The following HHAT variants were observed in gnomAD, a reference collection of about 807,000 sequenced individuals.
HHAT encodes hedgehog acyltransferase, also known as protein-cysteine N-palmitoyltransferase HHAT.
In HHAT, 47 loss-of-function variants were observed where a neutral mutation model predicts 70.8. That is an observed-to-expected ratio of 0.66 (90% CI 0.53 to 0.85). The LOEUF is 0.85. Among genes scored for constraint, HHAT ranks in the 40% least tolerant of loss-of-function variants. The probability of loss-of-function intolerance (pLI) is 0.00; values close to 1 mark genes in which losing one functional copy is unlikely to be tolerated. For synonymous variants in HHAT, 228 were observed against 247.6 expected, an observed-to-expected ratio of 0.92 and a Z score of 0.74; for missense variants, 609 against 604.8, an observed-to-expected ratio of 1.01 and a Z score of -0.07.
intron 11 of HHAT, among the ~76,000 whole-genome samples, chr1:210,659,624 AT>A (rs1475515350): frequency 1.3e-5 from 2 of 152,244 alleles, no homozygotes; most frequent in African/African-American, 4.8e-5. Context: ...AAAAAAGAGA[AT>A]TTTAGACCAA....
chr1:210,378,864 G>A (rs1182544500), intron 3 of HHAT, among the ~76,000 whole-genome samples: 1 of 152,162 alleles, frequency 6.6e-6, no homozygotes, highest in Non-Finnish European at 1.5e-5. Context: ...TCTTCAAAGT[G>A]AACTGTTTTC....
chr1:210,352,057 T>C (rs1463156882), intron 2 of HHAT, among the ~76,000 whole-genome samples: 1 of 152,176 alleles, frequency 6.6e-6, no homozygotes, highest in South Asian at 2.1e-4. Context: ...ATATATTTAA[T>C]AATAGAAATA....
At chr1:210,540,000 AAAG>A (rs2095412246) in intron 9 of HHAT, among the ~76,000 whole-genome samples, 1 of 152,218 alleles carries the variant, frequency 6.6e-6, no homozygotes, top group Non-Finnish European at 1.5e-5. Context: ...ATCAAATAAT[AAAG>A]AAGTGCGAAG....
chr1:210,425,873 G>A (rs948366567), intron 7 of HHAT, among the ~76,000 whole-genome samples: 1 of 151,982 alleles, frequency 6.6e-6, no homozygotes, highest in Non-Finnish European at 1.5e-5. Context: ...TTCTAGTTCT[G>A]TGAAGAATGT....
chr1:210,574,114 A>G (rs1558191156), intron 9 of HHAT, among the ~76,000 whole-genome samples: 1 of 152,232 alleles, frequency 6.6e-6, no homozygotes, highest in Non-Finnish European at 1.5e-5. Context: ...CGGAAGTACT[A>G]AAGAGCAGCA....
At chr1:210,427,486 G>T (rs2093100203) in intron 7 of HHAT, among the ~76,000 whole-genome samples, 1 of 152,136 alleles carries the variant, frequency 6.6e-6, no homozygotes, top group Non-Finnish European at 1.5e-5. Flanking sequence ...GTGTCCCAGA[G>T]ACTGTGGTAT....
At chr1:210,530,620 T>C (rs921311963) in intron 9 of HHAT, among the ~76,000 whole-genome samples, 1 of 151,998 alleles carries the variant, frequency 6.6e-6, no homozygotes, top group Non-Finnish European at 1.5e-5. Flanking sequence ...CCGGGAGAGA[T>C]GGAGAAAAGC....
At chr1:210,521,277 G>C (rs1000587903) in intron 9 of HHAT, among the ~76,000 whole-genome samples, 3 of 152,306 alleles carry the variant, frequency 2.0e-5, no homozygotes, top group Admixed American at 6.5e-5. Flanking sequence ...TCTCCTGGAG[G>C]TTGGTGCAGG....
intron 3 of HHAT, among the ~76,000 whole-genome samples, chr1:210,386,436 C>T (rs1040031558): frequency 1.5e-4 from 22 of 150,884 alleles, no homozygotes; most frequent in Admixed American, 1.3e-3. Flanking sequence ...GACGGGGTTT[C>T]ACCGTTTTAG....
intron 7 of HHAT, among the ~76,000 whole-genome samples, chr1:210,446,314 A>G (rs1338425954): frequency 1.3e-5 from 2 of 152,262 alleles, no homozygotes; most frequent in East Asian, 1.9e-4. Flanking sequence ...TTTCTTCTTG[A>G]AAGATTATTG....
At position 210,479,311 on chromosome 1, in the gene HHAT, A is replaced by G. The variant is rs115891880; in HGVS notation, c.1007+14656A>G. Among the ~76,000 whole-genome samples the G allele has an allele frequency of 5.6e-3, 848 of 152,292 alleles. 13 individuals are homozygous for G. Among genetic ancestry groups the G allele is most frequent in the Non-Finnish European group, 8.8e-3 (601 of 68,028 alleles). ...AGCACCTACTATGGGCCAACCATTG[A>G]CAAATGTATATGATACAGAGCTGAA... On this transcript the variant is annotated intron_variant, in intron 8 of 11. Transcript: ENST00000261458.
intron 6 of HHAT, among the ~76,000 whole-genome samples, chr1:210,413,759 C>G (rs189251843): frequency 3.9e-5 from 6 of 152,304 alleles, no homozygotes; most frequent in Admixed American, 3.9e-4. Flanking sequence ...CACATTTCCA[C>G]CAACATTCTG....
In HHAT at chr1:210,375,825, T is replaced by G. The variant is rs75909006; in HGVS notation, c.160-11643T>G. Among the ~76,000 whole-genome samples the G allele has an allele frequency of 3.0e-3, 452 of 151,450 alleles. 2 individuals carry two copies. The highest frequency in any genetic ancestry group is 0.011 in the African/African-American group (435 of 41,178). ...TCAGTTTTCTCTCTCTTGTTCAGAT[T>G]GGGTGATTTTTATTGACCTATCCTT... On this transcript the variant is annotated intron_variant, in intron 3 of 11. Coordinates refer to ENST00000261458, the MANE Select transcript of HHAT (RefSeq NM_018194.6).
intron 9 of HHAT, among the ~76,000 whole-genome samples, chr1:210,582,493 T>C (rs570271685): frequency 6.6e-6 from 1 of 152,134 alleles, no homozygotes; most frequent in African/African-American, 2.4e-5. Context: ...TAGGTGATAA[T>C]GTAGCAAGCC....
intron 7 of HHAT, chr1:210,462,237 G>A (rs142999286): frequency 3.3e-4 from 51 of 152,308 alleles, no homozygotes; most frequent in African/African-American, 1.1e-3. Flanking sequence ...AGCTTGGCAC[G>A]GCCTTAACCA....
At chr1:210,411,318 G>A (rs1331331685) in intron 6 of HHAT, among the ~76,000 whole-genome samples, 1 of 152,216 alleles carries the variant, frequency 6.6e-6, no homozygotes, top group Non-Finnish European at 1.5e-5. Flanking sequence ...GCTTTGGGTA[G>A]GTTATGCTGA....
chr1:210,330,330 G>A (rs1464630954), intron 1 of HHAT, among the ~76,000 whole-genome samples: 2 of 152,114 alleles, frequency 1.3e-5, no homozygotes, highest in South Asian at 2.1e-4. Context: ...TGCTTATTAG[G>A]TGCTTTAGAT....
chr1:210,374,835 G>C (rs568163330), intron 3 of HHAT, among the ~76,000 whole-genome samples: 11 of 150,528 alleles, frequency 7.3e-5, no homozygotes, highest in African/African-American at 2.7e-4. Context: ...TTTATTACCT[G>C]GGTATATTGT....
intron 9 of HHAT, among the ~76,000 whole-genome samples, chr1:210,536,228 G>A (rs1161960070): frequency 2.0e-5 from 3 of 152,198 alleles, no homozygotes; most frequent in African/African-American, 7.2e-5. Context: ...TATGAATTTA[G>A]CCCATTCTAG....
Sources: gnomAD v4.1 joint callset for allele counts (sites outside exome capture counted in the v4.1 genomes callset) on GRCh38, gnomAD v4.1.1 for gene constraint, MANE v1.5 for transcripts, NCBI Gene and HGNC (gene_info 2026-07-23, HGNC 2026-07-21) for gene names.